Variants in DENND4C observed in about 807,000 individuals in gnomAD.
DENND4C encodes the protein DENN domain containing 4C, also known as DENN domain-containing protein 4C.
DENND4C carries 108 observed loss-of-function variants against 203.0 expected under a neutral mutation model. The ratio of observed to expected loss-of-function variants is 0.53; its 90% CI spans 0.46 to 0.62. The LOEUF is 0.62. Among genes scored for constraint, DENND4C ranks in the 20% least tolerant of loss-of-function variants. The pLI is 0.00. For synonymous variants in DENND4C, 871 were observed against 792.4 expected (o/e 1.10, Z -1.67); for missense variants, 2,481 against 2,301.2 (o/e 1.08, Z -1.60).
At chr9:19,282,495 C>G (rs1031727354) in intron 2 of DENND4C, among the ~76,000 whole-genome samples, 2 of 149,284 alleles carry the variant, frequency 1.3e-5, no homozygotes, top group African/African-American at 2.5e-5. Flanking sequence ...CTCAAGTGAT[C>G]TGCTTGCCTT....
intron 30 of DENND4C, among the ~76,000 whole-genome samples, chr9:19,362,410 A>T (rs1826697960): frequency 1.3e-5 from 2 of 152,232 alleles, no homozygotes; most frequent in South Asian, 4.1e-4. Context: ...GTTCTGCAAT[A>T]AAGAATGGAC....
chr9:19,352,277 C>T, intron 25 of DENND4C, 95 bp downstream of exon 25: 1 of 1,213,656 alleles, frequency 8.2e-7, no homozygotes, highest in Non-Finnish European at 1.2e-6. Flanking sequence ...CCCTTGTGGA[C>T]AGTATAATAA....
intron 1 of DENND4C, among the ~76,000 whole-genome samples, chr9:19,241,439 C>T (rs1240888979): frequency 6.6e-6 from 1 of 151,774 alleles, no homozygotes; most frequent in African/African-American, 2.4e-5. Context: ...CCTCCAACTC[C>T]TGGGCTCAAG....
At chr9:19,324,062 A>G (rs994445468) in intron 12 of DENND4C, among the ~76,000 whole-genome samples, 4 of 152,222 alleles carry the variant, frequency 2.6e-5, no homozygotes, top group Non-Finnish European at 4.4e-5. Context: ...GACTGTGTGT[A>G]TAATGTATAT....
intron 1 of DENND4C, among the ~76,000 whole-genome samples, chr9:19,248,088 A>G (rs1825713898): frequency 6.6e-6 from 1 of 152,156 alleles, no homozygotes; most frequent in Admixed American, 6.5e-5. Flanking sequence ...AAAATGAAAA[A>G]CATAAATGGT....
Position 19,332,338 on chromosome 9 carries a change from CTTGT to C in DENND4C, c.2460+157_2460+160del, listed in dbSNP as rs1041793059. 2.0e-5 allele frequency: 12 copies of C among 614,166 alleles called. No individual in the cohort carries two copies. The African/African-American group carries it at 2.2e-4, about 11-fold the overall frequency. 38.0% of individuals were successfully genotyped at this position (614,166 alleles called of 1,614,324 possible). A position where few individuals can be genotyped will look rare whatever the true frequency, so the allele number is the denominator to read the frequency against. On this transcript the variant is annotated intron_variant, in intron 17 of 32. Coordinates refer to ENST00000434457, the MANE Select transcript of DENND4C (RefSeq NM_001330640.2). The stretch of plus-strand genomic sequence containing the variant: ...TGTTTCATGGAGCTGGTGCATATTA[CTTGT>C]TTATTTTTTATTTTAATTATTGATT...
At chr9:19,277,123 G>T (rs1833037670) in intron 2 of DENND4C, among the ~76,000 whole-genome samples, 1 of 152,008 alleles carries the variant, frequency 6.6e-6, no homozygotes, top group African/African-American at 2.4e-5. Context: ...ATATACATGT[G>T]ATGTATTGGG....
chr9:19,236,696 A>G (rs1822050260), intron 1 of DENND4C, among the ~76,000 whole-genome samples: 1 of 152,174 alleles, frequency 6.6e-6, no homozygotes, highest in Non-Finnish European at 1.5e-5. Context: ...GTAGAAAATA[A>G]TGGATAGACT....
chr9:19,260,410 A>G (rs1422746188), intron 1 of DENND4C, among the ~76,000 whole-genome samples: 2 of 149,928 alleles, frequency 1.3e-5, no homozygotes. Flanking sequence ...ATGTTATGTT[A>G]TTTTTGAGAT....
intron 29 of DENND4C, among the ~76,000 whole-genome samples, chr9:19,361,319 G>C (rs1255364696): frequency 1.3e-5 from 2 of 152,148 alleles, no homozygotes; most frequent in Non-Finnish European, 2.9e-5. Flanking sequence ...AAGTGATGGA[G>C]ACCCAAGGTC....
At chr9:19,359,203 A>G (rs755479749) in intron 28 of DENND4C, among the ~76,000 whole-genome samples, 1 of 151,756 alleles carries the variant, frequency 6.6e-6, no homozygotes, top group Non-Finnish European at 1.5e-5. Context: ...TTGGAGGAAT[A>G]GGGTATCATT....
chr9:19,357,255 T>G (rs1321525282), intron 27 of DENND4C, 101 bp downstream of exon 27: 2 of 1,178,694 alleles, frequency 1.7e-6, no homozygotes, highest in Non-Finnish European at 2.4e-6. Flanking sequence ...GCATAAGTTC[T>G]GGCATTTAAG....
At chr9:19,364,341 T>C (rs573043371) in intron 30 of DENND4C, among the ~76,000 whole-genome samples, 6 of 152,368 alleles carry the variant, frequency 3.9e-5, no homozygotes, top group East Asian at 1.9e-4. Context: ...AAATGATACA[T>C]TTCTGGAGAA....
intron 26 of DENND4C, among the ~76,000 whole-genome samples, chr9:19,356,402 T>G (rs1825406303): frequency 6.6e-6 from 1 of 152,090 alleles, no homozygotes; most frequent in Non-Finnish European, 1.5e-5. Context: ...AACATTACCA[T>G]TACCTCAGAA....
intron 1 of DENND4C, among the ~76,000 whole-genome samples, chr9:19,273,186 C>T (rs369389099): frequency 2.6e-5 from 4 of 151,636 alleles, no homozygotes; most frequent in African/African-American, 9.7e-5. Context: ...CTCCTGACCT[C>T]GTGATCCACC....
At chr9:19,239,349 G>A (rs919860758) in intron 1 of DENND4C, among the ~76,000 whole-genome samples, 1 of 151,708 alleles carries the variant, frequency 6.6e-6, no homozygotes, top group African/African-American at 2.4e-5. Flanking sequence ...TTTGATCAGG[G>A]GTTATTTAGG....
intron 29 of DENND4C, among the ~76,000 whole-genome samples, chr9:19,361,295 G>T (rs1173359081): frequency 6.6e-6 from 1 of 152,098 alleles, no homozygotes; most frequent in South Asian, 2.1e-4. Context: ...TTTCTGTAAG[G>T]TGACATACCT....
In DENND4C at chr9:19,358,215, T is replaced by C; in HGVS notation, c.5160+55T>C. The stretch of plus-strand genomic sequence containing the variant: ...ACTGCATACACACCTAAGTATATAG[T>C]AGAACATTATAAATTCTTCTGTAGT... On this transcript the variant is annotated intron_variant, in intron 28 of 32. Transcript: ENST00000434457. The surrounding 1 kb of genome is among the most constrained non-coding windows in gnomAD (Gnocchi z 4.8). 1 of 1,362,236 alleles carries C rather than the reference T, an allele frequency of 7.3e-7. No homozygotes were observed. Among genetic ancestry groups the C allele is most frequent in the Non-Finnish European group, 1.0e-6 (1 of 999,300 alleles). 84.4% of individuals were successfully genotyped at this position (1,362,236 alleles called of 1,614,324 possible). A position where few individuals can be genotyped will look rare whatever the true frequency, so the allele number is the denominator to read the frequency against.
intron 16 of DENND4C, among the ~76,000 whole-genome samples, chr9:19,330,435 G>T (rs1185282374): frequency 6.8e-6 from 1 of 146,446 alleles, no homozygotes; most frequent in Non-Finnish European, 1.5e-5. Context: ...TGCCTCCCAG[G>T]TTCAAGCGAT....
Sources: gnomAD v4.1 joint callset for allele counts (sites outside exome capture counted in the v4.1 genomes callset) on GRCh38, gnomAD v4.1.1 for gene constraint, Gnocchi (gnomAD v3.1) non-coding constraint, MANE v1.5 for transcripts, NCBI Gene and HGNC (gene_info 2026-07-23, HGNC 2026-07-21) for gene names.